INPP5K: variants seen among roughly 807,000 people sequenced by gnomAD.
The protein encoded by INPP5K is inositol polyphosphate-5-phosphatase K, also known as inositol polyphosphate 5-phosphatase K.
A neutral mutation model predicts 53.5 loss-of-function variants in INPP5K; 35 were observed. The ratio of observed to expected loss-of-function variants is 0.65; its 90% CI spans 0.50 to 0.87. The LOEUF is 0.87. Among genes scored for constraint, INPP5K ranks in the 40% least tolerant of loss-of-function variants. The pLI, the probability that INPP5K is intolerant of heterozygous loss-of-function variation, is 0.00. For missense variants in INPP5K, 550 were observed against 586.2 expected, an observed-to-expected ratio of 0.94 and a Z score of 0.64; for synonymous variants, 253 against 232.8, an observed-to-expected ratio of 1.09 and a Z score of -0.79.
chr17:1,498,597 T>A (rs1455604561), intron 7 of INPP5K, among the ~76,000 whole-genome samples: 1 of 152,206 alleles, frequency 6.6e-6, no homozygotes, highest in East Asian at 1.9e-4. Context: ...CACACCTTTT[T>A]TTAAATTTAA....
At chr17:1,513,681 C>T (rs2075363138) in intron 2 of INPP5K, 120 bp from the exon 3 acceptor site, 3 of 960,130 alleles carry the variant, frequency 3.1e-6, no homozygotes, top group Non-Finnish European at 5.0e-6. Context: ...TGAGGTCTCC[C>T]TCCCCTGCCT....
chr17:1,516,400 C>T, intron 1 of INPP5K, 56 bp downstream of exon 1: 2 of 1,544,352 alleles, frequency 1.3e-6, no homozygotes, highest in Non-Finnish European at 1.7e-6. Flanking sequence ...AGCCCGCAGC[C>T]CAAGGGGCGC....
intron 7 of INPP5K, among the ~76,000 whole-genome samples, chr17:1,504,158 G>A (rs1349977813): frequency 6.6e-6 from 1 of 152,218 alleles, no homozygotes; most frequent in Non-Finnish European, 1.5e-5. Context: ...GCCAGGTACT[G>A]TGCTACTCCC....
chr17:1,514,120 C>T (rs751030656), intron 1 of INPP5K, 141 bp from the exon 2 acceptor site: 22 of 470,234 alleles, frequency 4.7e-5, no homozygotes, highest in Middle Eastern at 1.1e-3. Context: ...GTCGGGAGTT[C>T]GAGACAAGCC....
intron 1 of INPP5K, 102 bp from the exon 2 acceptor site, chr17:1,514,081 G>T (rs2075373891): frequency 3.0e-6 from 2 of 657,090 alleles, no homozygotes. Flanking sequence ...ACAGCACTTT[G>T]GGCGGCCGAG....
In INPP5K at chr17:1,496,333, C is replaced by T. The variant is rs144837901; in HGVS notation, c.1171G>A (p.Asp391Asn). ...TGGTGACGTACCTGGTTCAGGTTGT[C>T]GCTGCAGGAGACCTTGCTGTCCCCG... ...WVGDSKVSCS[D>N]NLNQVYIDIS... Residue 391 changes from aspartate to asparagine, a missense_variant, in exon 10 of 12, where the codon GAC becomes AAC. By Grantham distance (23) the Asp-to-Asn change is conservative (BLOSUM62 1). Transcript: ENST00000421807. The T allele has an allele frequency of 2.1e-5, 33 of 1,561,588 alleles. No individual in the cohort carries two copies. The highest frequency in any genetic ancestry group is 3.9e-5 in the Admixed American group (2 of 51,788).
rs374426297 is a variant in INPP5K, at chr17:1,496,811, C to T, written c.964-8G>A. On this transcript the variant is annotated splice_polypyrimidine_tract_variant and splice_region_variant and intron_variant, in intron 8 of 11. Coordinates refer to ENST00000421807, the MANE Select transcript of INPP5K (RefSeq NM_016532.4). ...AGACACCAATGGCTTCAGCTAGACA[C>T]GGGGGTGGGAAGGGGGCTGAATCTC... The T allele has an allele frequency of 1.0e-4, 165 of 1,613,474 alleles. No homozygotes were observed. In the African/African-American group the frequency reaches 1.5e-3, roughly 15 times the overall value.
chr17:1,504,641 C>CT (rs2075111861), intron 7 of INPP5K, among the ~76,000 whole-genome samples: 1 of 152,202 alleles, frequency 6.6e-6, no homozygotes, highest in Non-Finnish European at 1.5e-5. Context: ...CTTATATATT[C>CT]TTTGAGACTC....
intron 3 of INPP5K, among the ~76,000 whole-genome samples, chr17:1,512,072 C>T (rs2075322572): frequency 1.3e-5 from 2 of 152,140 alleles, no homozygotes; most frequent in African/African-American, 2.4e-5. Flanking sequence ...GGCAAATGCA[C>T]GGAGCTCACC....
At chr17:1,515,496 C>T (rs2075412969) in intron 1 of INPP5K, 2 of 985,502 alleles carry the variant, frequency 2.0e-6, no homozygotes, top group Non-Finnish European at 2.4e-6. Context: ...GAGCACAGAG[C>T]GGGCAGGAGC....
Position 1,498,230 on chromosome 17 carries a change from T to C in INPP5K, c.777-108A>G. 4 of 952,784 alleles carry C rather than the reference T, an allele frequency of 4.2e-6. No homozygotes were observed. The South Asian group carries it at 6.8e-5, about 16-fold the overall frequency. The allele number at this position is 952,784 out of a possible 1,614,324, so 59.0% of individuals were successfully genotyped here. A position where few individuals can be genotyped will look rare whatever the true frequency, so the allele number is the denominator to read the frequency against. ...TGCTGGAGCCCCTAACTCCAGCAAC[T>C]ACTGGCAGCCACAGACCCCCGGGGC... On this transcript the variant is annotated intron_variant, in intron 7 of 11. Transcript: ENST00000421807.
chr17:1,507,007 T>C lies in INPP5K; in HGVS notation c.749A>G (p.Asp250Gly). The change falls in exon 7 of 12, where the codon GAT becomes GGT. Residue 250 changes from aspartate to glycine, a missense_variant. Coordinates refer to ENST00000421807, the MANE Select transcript of INPP5K (RefSeq NM_016532.4). ...GGTGTCATAGTCGTTGGAGTTCCTA[T>C]CAAACTTGTAGGTGGGCGGGAAGAG... ...RLLFPPTYKF[D>G]RNSNDYDTSE... 1 of 1,613,878 alleles carries C rather than the reference T, an allele frequency of 6.2e-7. No homozygotes were observed. The highest frequency in any genetic ancestry group is 8.5e-7 in the Non-Finnish European group (1 of 1,179,906).
intron 7 of INPP5K, among the ~76,000 whole-genome samples, chr17:1,505,214 C>T (rs2075125952): frequency 6.6e-6 from 1 of 152,144 alleles, no homozygotes; most frequent in South Asian, 2.1e-4. Flanking sequence ...CAGCCTTTAA[C>T]TCCTGGGCTC....
chr17:1,513,164 G>A (rs11078471), intron 3 of INPP5K, among the ~76,000 whole-genome samples: 42,810 of 152,008 alleles, frequency 0.28, 6,984 homozygotes, highest in East Asian at 0.53. Context: ...CTGGGGCAGC[G>A]GCCAGCACTG....
chr17:1,509,704 G>GAGCCGA lies in INPP5K; in HGVS notation c.356_357insTCGGCT (p.Pro119_Thr120insArgLeu). On this transcript the variant is annotated inframe_insertion, in exon 4 of 12. Transcript: ENST00000421807. ...TTACCCAGTACCCAAACAGGCCAGT[G>GAGCCGA]GGGGTGGATTTAGTAGACAGAATCT... The GAGCCGA allele has an allele frequency of 6.2e-7, 1 of 1,609,280 alleles. No homozygotes were observed. The highest frequency in any genetic ancestry group is 8.5e-7 in the Non-Finnish European group (1 of 1,175,674).
At chr17:1,503,215 G>A (rs558934285) in intron 7 of INPP5K, among the ~76,000 whole-genome samples, 8 of 134,686 alleles carry the variant, frequency 5.9e-5, no homozygotes, top group African/African-American at 8.5e-5. Context: ...ACGAAGTCTC[G>A]CTCTGTCACT....
chr17:1,509,534 G>A, intron 4 of INPP5K, 149 bp downstream of exon 4: 3 of 854,908 alleles, frequency 3.5e-6, no homozygotes, highest in Non-Finnish European at 5.8e-6. Flanking sequence ...CTGGCCTCAG[G>A]GATAGCAAGC....
chr17:1,499,526 C>A (rs1249123601), intron 7 of INPP5K, among the ~76,000 whole-genome samples: 1 of 152,186 alleles, frequency 6.6e-6, no homozygotes, highest in Admixed American at 6.5e-5. Context: ...AGACCTCCCA[C>A]CTGTTCTTCA....
chr17:1,496,226 G>A, intron 10 of INPP5K, 62 bp from the exon 11 acceptor site: 1 of 1,508,582 alleles, frequency 6.6e-7, no homozygotes, highest in Admixed American at 1.8e-5. Context: ...CCAGCTCTGA[G>A]TGACAAGTTA....
Sources: allele counts gnomAD v4.1 joint callset (sites outside exome capture counted in the v4.1 genomes callset), GRCh38; gene constraint gnomAD v4.1.1; transcripts MANE v1.5; gene names NCBI Gene and HGNC (gene_info 2026-07-23, HGNC 2026-07-21).